NFIC: variants seen among roughly 807,000 people sequenced by gnomAD.
NFIC encodes nuclear factor 1 C-type.
In NFIC, 12 loss-of-function variants were observed where a neutral mutation model predicts 54.4. The observed-to-expected ratio is 0.22, with a 90% CI of 0.14 to 0.36. The LOEUF is 0.36. Among genes scored for constraint, NFIC ranks in the 10% least tolerant of loss-of-function variants. The probability of loss-of-function intolerance (pLI) is 1.00; values close to 1 mark genes in which losing one functional copy is unlikely to be tolerated. For missense variants in NFIC, 575 were observed against 718.2 expected (o/e 0.80, Z 2.28); for synonymous variants, 322 against 319.2 (o/e 1.01, Z -0.09).
At chr19:3,448,262 AG>A (rs1384354344) in intron 6 of NFIC, among the ~76,000 whole-genome samples, 9 of 152,176 alleles carry the variant, frequency 5.9e-5, no homozygotes. Flanking sequence ...TAGTGGAGAC[AG>A]GGTTTCACCA....
chr19:3,376,710 A>G (rs1042649207), intron 1 of NFIC, among the ~76,000 whole-genome samples: 3 of 151,988 alleles, frequency 2.0e-5, no homozygotes, highest in African/African-American at 7.2e-5. Flanking sequence ...CTCCAGTGAG[A>G]CGCCTGTCTT....
chr19:3,453,687 CG>C lies in NFIC; in HGVS notation c.1270-71del. The C allele has an allele frequency of 1.3e-6, 2 of 1,511,792 alleles. No homozygotes were observed. Among genetic ancestry groups the C allele is most frequent in the Non-Finnish European group, 8.8e-7 (1 of 1,135,206 alleles). The allele number at this position is 1,511,792 out of a possible 1,614,324, so 93.6% of individuals were successfully genotyped here. ...ACCCCGTCCGGGCCGTGCACAGAGCCGGGGGCGGCCGGCGCCAGCAGCCCGA... is the reference window on the plus strand; with the variant it reads ...ACCCCGTCCGGGCCGTGCACAGAGCCGGGGCGGCCGGCGCCAGCAGCCCGA... On this transcript the variant is annotated intron_variant, in intron 8 of 10. Coordinates refer to ENST00000443272, the MANE Select transcript of NFIC (RefSeq NM_001245002.2). The surrounding 1 kb of genome is among the most constrained non-coding windows in gnomAD (Gnocchi z 6.7).
chr19:3,383,918 C>G (rs2081251999), intron 2 of NFIC, among the ~76,000 whole-genome samples: 1 of 152,184 alleles, frequency 6.6e-6, no homozygotes, highest in East Asian at 1.9e-4. Flanking sequence ...TTTTCTGTGC[C>G]TCAGTTTCCT....
rs2082508016 is a variant in NFIC at position 3,453,847 on chromosome 19, C to G, written c.1354C>G (p.Leu452Val). 6.4e-7 allele frequency: 1 copy of G among 1,574,620 alleles called. No homozygotes were observed. Among genetic ancestry groups the G allele is most frequent in the African/African-American group, 1.4e-5 (1 of 73,292 alleles). ...LAPPPPGLPR[L>V]ALPPATKPAT... ...ACCTCCGCCCCCGGGGCTGCCACGG[C>G]TGGCGCTCCCCCCTGCCACCAAACC... is the stretch of plus-strand genomic sequence containing the variant. Residue 452 changes from leucine (L) to valine (V), a missense_variant, in exon 9 of 11, where the codon CTG (leucine) becomes GTG (valine). Leu to Val is a conservative substitution (Grantham distance 32). Around this residue, in one of 3 missense-constraint regions of NFIC, gnomAD observed 447 missense variants for 526.9 expected, o/e 0.85. Transcript: ENST00000443272. The surrounding 1 kb of genome is among the most constrained non-coding windows in gnomAD (Gnocchi z 6.7).
At chr19:3,376,150 A>T (rs1194689824) in intron 1 of NFIC, among the ~76,000 whole-genome samples, 5 of 152,110 alleles carry the variant, frequency 3.3e-5, no homozygotes, top group African/African-American at 1.2e-4. Context: ...TCATCGCAGC[A>T]ATCGCGTCCA....
At chr19:3,386,764 C>T (rs2081303394) in intron 2 of NFIC, among the ~76,000 whole-genome samples, 2 of 152,234 alleles carry the variant, frequency 1.3e-5, no homozygotes, top group Admixed American at 1.3e-4. Context: ...ACACCTGCCT[C>T]ATCCTCCATT....
chr19:3,429,436 C>T (rs911684348), intron 3 of NFIC, among the ~76,000 whole-genome samples: 4 of 151,756 alleles, frequency 2.6e-5, no homozygotes, highest in Non-Finnish European at 5.9e-5. Context: ...AATAATAATA[C>T]AAAAATTAGC....
chr19:3,381,137 T>A (rs1568407565), intron 1 of NFIC, among the ~76,000 whole-genome samples: 1 of 152,038 alleles, frequency 6.6e-6, no homozygotes, highest in Non-Finnish European at 1.5e-5. Context: ...ACACCTGTCA[T>A]CCCAGCACTT....
upstream of NFIC, among the ~76,000 whole-genome samples, chr19:3,363,432 C>T (rs999028483): frequency 5.3e-5 from 8 of 151,286 alleles, no homozygotes; most frequent in African/African-American, 9.7e-5. Context: ...CGCCCATGCC[C>T]GGCTAATTTT....
At chr19:3,377,565 C>G (rs1265092032) in intron 1 of NFIC, among the ~76,000 whole-genome samples, 2 of 151,896 alleles carry the variant, frequency 1.3e-5, no homozygotes, top group African/African-American at 4.8e-5. Context: ...TTTATTCCAC[C>G]TTGAGGCTGA....
Position 3,465,414 on chromosome 19 carries a change from TAAG to T in NFIC, c.*2648_*2650del, listed in dbSNP as rs2082704493. On this transcript the variant is annotated 3_prime_UTR_variant, in exon 11 of 11. Transcript: ENST00000443272. ...TTTGTAAAAAAAATAAAATAAAAAA[TAAG>T]AAAGTGAGAATCTAAAAAAAAAAAA... The T allele has an allele frequency of 5.1e-5, 1 of 19,714 alleles. No homozygotes were observed. Among genetic ancestry groups the T allele is most frequent in the African/African-American group, 2.2e-4 (1 of 4,624 alleles). The allele number at this position is 19,714 out of a possible 1,614,324, so 1.2% of individuals were successfully genotyped here.
chr19:3,418,099 C>CTTTTTT (rs778206013), intron 2 of NFIC, among the ~76,000 whole-genome samples: 1 of 132,486 alleles, frequency 7.5e-6, no homozygotes, highest in Non-Finnish European at 1.6e-5. Flanking sequence ...ATTTTCTTTT[C>CTTTTTT]TTTTTTTTTT....
Position 3,369,859 on chromosome 19 carries a change from G to C in NFIC, c.30+3193G>C, listed in dbSNP as rs539921554. On this transcript the variant is annotated intron_variant, in intron 1 of 10. Coordinates refer to ENST00000443272, the MANE Select transcript of NFIC (RefSeq NM_001245002.2). This position sits in a 1 kb window ranked among gnomAD's most constrained non-coding sequence, Gnocchi z 4.3. ...CCCGAGCCACCTCCATCCCGCCACC[G>C]GGTCCCTGTCTCATTCGTTCGTTGT... Among the ~76,000 whole-genome samples the C allele has an allele frequency of 2.2e-4, 34 of 152,208 alleles. No individual in the cohort carries two copies. Among genetic ancestry groups the C allele is most frequent in the Admixed American group, 1.5e-3 (23 of 15,284 alleles).
chr19:3,367,387 G>T (rs565247432), intron 1 of NFIC, among the ~76,000 whole-genome samples: 2 of 152,060 alleles, frequency 1.3e-5, no homozygotes, highest in Admixed American at 6.5e-5. Context: ...AGCCGCCGCC[G>T]GGAGGAGCGG....
At chr19:3,440,122 G>T (rs747664716) in intron 6 of NFIC, among the ~76,000 whole-genome samples, 207 of 152,248 alleles carry the variant, frequency 1.4e-3, no homozygotes, top group Non-Finnish European at 1.1e-3. Context: ...GGATTTATCC[G>T]CAGGGAAGAT....
At chr19:3,419,095 G>C (rs548070825) in intron 2 of NFIC, among the ~76,000 whole-genome samples, 233 of 152,182 alleles carry the variant, frequency 1.5e-3, no homozygotes, top group African/African-American at 5.4e-3. Flanking sequence ...CGGGGAGTGA[G>C]TGTTTCATGG....
intron 2 of NFIC, among the ~76,000 whole-genome samples, chr19:3,403,101 G>A (rs908869865): frequency 6.6e-6 from 1 of 152,182 alleles, no homozygotes; most frequent in Non-Finnish European, 1.5e-5. Context: ...TGTGTGCCAG[G>A]CTCTGCTGGA....
chr19:3,381,395 C>CAAAAAAAAAAAA (rs71164686), intron 1 of NFIC, among the ~76,000 whole-genome samples: 3 of 100,930 alleles, frequency 3.0e-5, no homozygotes, highest in Admixed American at 1.1e-4. Context: ...GACTCCGTCT[C>CAAAAAAAAAAAA]AAAAAAAAAA....
upstream of NFIC, chr19:3,359,638 A>C: frequency 1.5e-6 from 2 of 1,334,620 alleles, no homozygotes; most frequent in Non-Finnish European, 1.9e-6. Flanking sequence ...CCGGGGACCG[A>C]GCGCGCTCGC....
Sources: allele counts gnomAD v4.1 joint callset (sites outside exome capture counted in the v4.1 genomes callset), GRCh38; gene constraint gnomAD v4.1.1; regional missense constraint gnomAD v4.1.1; non-coding constraint Gnocchi (gnomAD v3.1); transcripts MANE v1.5; gene names NCBI Gene and HGNC (gene_info 2026-07-23, HGNC 2026-07-21).